QTMAN: variants seen among roughly 807,000 people sequenced by gnomAD.
The protein encoded by QTMAN is queuosine-tRNA mannosyltransferase, also known as tRNA-queuosine alpha-mannosyltransferase.
the QTMAN span, among the ~76,000 whole-genome samples, chr2:144,154,674 T>G: frequency 1.3e-5 from 2 of 152,234 alleles, no homozygotes; most frequent in Non-Finnish European, 2.9e-5. Flanking sequence ...GTCTGTTATA[T>G]AATTTTACAT....
At chr2:144,077,070 AT>A in the QTMAN span, among the ~76,000 whole-genome samples, 2 of 151,608 alleles carry the variant, frequency 1.3e-5, no homozygotes, top group African/African-American at 2.4e-5. Context: ...AAAAAGAGAG[AT>A]TAAGAATCCT....
At chr2:143,966,023 C>G in the QTMAN span, among the ~76,000 whole-genome samples, 20 of 152,310 alleles carry the variant, frequency 1.3e-4, no homozygotes, top group African/African-American at 4.8e-4. Flanking sequence ...GTAGGTAGTA[C>G]TGAACCCTAT....
chr2:144,293,390 C>T, the QTMAN span, among the ~76,000 whole-genome samples: 1 of 152,178 alleles, frequency 6.6e-6, no homozygotes, highest in South Asian at 2.1e-4. Flanking sequence ...TGCTCCACTG[C>T]ATTAGAATGC....
the QTMAN span, among the ~76,000 whole-genome samples, chr2:144,019,347 T>C: frequency 1.3e-3 from 197 of 151,922 alleles, 2 homozygotes; most frequent in African/African-American, 4.5e-3. Context: ...TGGAAAAGAA[T>C]GTGAACCAAA....
chr2:143,944,999 T>G, the QTMAN span: 21 of 151,886 alleles, frequency 1.4e-4, no homozygotes, highest in African/African-American at 4.6e-4. Flanking sequence ...CTATGAAGCG[T>G]AAGCCCATTT....
chr2:144,139,581 C>G, the QTMAN span, among the ~76,000 whole-genome samples: 2 of 151,976 alleles, frequency 1.3e-5, no homozygotes, highest in African/African-American at 2.4e-5. Context: ...AAGAGCTTTC[C>G]CATCCCAAAA....
chr2:144,017,944 T>C, the QTMAN span, among the ~76,000 whole-genome samples: 7 of 152,218 alleles, frequency 4.6e-5, no homozygotes, highest in Non-Finnish European at 7.4e-5. Flanking sequence ...TTTAATGTTA[T>C]CTTCTTTTCT....
the QTMAN span, among the ~76,000 whole-genome samples, chr2:143,980,935 T>C: frequency 6.6e-6 from 1 of 152,186 alleles, no homozygotes; most frequent in East Asian, 1.9e-4. Flanking sequence ...CCTCTCCCTC[T>C]GTGCTGTTTG....
At chr2:144,064,807 G>C in the QTMAN span, among the ~76,000 whole-genome samples, 1 of 152,146 alleles carries the variant, frequency 6.6e-6, no homozygotes, top group East Asian at 1.9e-4. Context: ...ATGTTACTAT[G>C]TTACCCCAAG....
At chr2:144,285,611 C>G in the QTMAN span, among the ~76,000 whole-genome samples, 1 of 152,140 alleles carries the variant, frequency 6.6e-6, no homozygotes, top group Non-Finnish European at 1.5e-5. Context: ...ACATAAAATG[C>G]TGGGTTTTGC....
At chr2:144,030,073 A>G in the QTMAN span, among the ~76,000 whole-genome samples, 1 of 152,324 alleles carries the variant, frequency 6.6e-6, no homozygotes, top group South Asian at 2.1e-4. Context: ...GTTAGGTACT[A>G]TGGTAAGCAA....
At chr2:144,050,476 G>A in the QTMAN span, among the ~76,000 whole-genome samples, 4 of 152,266 alleles carry the variant, frequency 2.6e-5, no homozygotes, top group Admixed American at 1.3e-4. Flanking sequence ...TGGGGCTGGT[G>A]TAGAGAGTAT....
the QTMAN span, among the ~76,000 whole-genome samples, chr2:144,303,481 A>G: frequency 6.6e-6 from 1 of 152,192 alleles, no homozygotes; most frequent in Non-Finnish European, 1.5e-5. Context: ...AATTAGGAAA[A>G]CTAGGAGAGG....
At chr2:143,957,891 C>A in the QTMAN span, among the ~76,000 whole-genome samples, 27 of 152,166 alleles carry the variant, frequency 1.8e-4, no homozygotes, top group African/African-American at 6.0e-4. Flanking sequence ...AAATATGTGT[C>A]GCTGAGTGAA....
the QTMAN span, among the ~76,000 whole-genome samples, chr2:143,981,885 C>G: frequency 6.6e-6 from 1 of 152,164 alleles, no homozygotes; most frequent in Non-Finnish European, 1.5e-5. Flanking sequence ...TGTCTCCTCT[C>G]TTCTGTATTC....
At chr2:144,020,975 A>G in the QTMAN span, among the ~76,000 whole-genome samples, 1 of 151,648 alleles carries the variant, frequency 6.6e-6, no homozygotes, top group Non-Finnish European at 1.5e-5. Flanking sequence ...TAGAAAGCAG[A>G]ACAAAAACAA....
chr2:144,296,907 T>G, the QTMAN span, among the ~76,000 whole-genome samples: 1 of 152,172 alleles, frequency 6.6e-6, no homozygotes, highest in Non-Finnish European at 1.5e-5. Flanking sequence ...GAGTATAAAC[T>G]TCAAAGAATG....
At chr2:144,284,391 A>T in the QTMAN span, among the ~76,000 whole-genome samples, 3 of 152,206 alleles carry the variant, frequency 2.0e-5, no homozygotes, top group East Asian at 5.8e-4. Flanking sequence ...AAATTTAATG[A>T]CATGTGAGAA....
chr2:144,224,301 C>A, the QTMAN span, among the ~76,000 whole-genome samples: 1 of 152,084 alleles, frequency 6.6e-6, no homozygotes, highest in African/African-American at 2.4e-5. Flanking sequence ...ATAAACAAAC[C>A]TGTACGTGAA....
Sources: gnomAD v4.1 joint callset for allele counts (sites outside exome capture counted in the v4.1 genomes callset) on GRCh38, gnomAD v4.1.1 for gene constraint, MANE v1.5 for transcripts, NCBI Gene and HGNC (gene_info 2026-07-23, HGNC 2026-07-21) for gene names.